DENND2D: variants seen among roughly 807,000 people sequenced by gnomAD.
DENND2D encodes DENN domain containing 2D.
DENND2D carries 37 observed loss-of-function variants against 59.8 expected under a neutral mutation model. That is an observed-to-expected ratio of 0.62 (90% CI 0.48 to 0.81). The LOEUF (loss-of-function observed/expected upper bound fraction) is 0.81, where lower values mean the gene tolerates loss of function less well. Ranked by LOEUF, DENND2D falls within the 40% of genes least tolerant of loss-of-function variation. The pLI is 0.00. For missense variants in DENND2D, 525 were observed against 579.7 expected (o/e 0.91, Z 0.97); for synonymous variants, 219 against 211.3 (o/e 1.04, Z -0.31).
intron 1 of DENND2D, 37 bp downstream of exon 1, chr1:111,200,356 A>G: frequency 6.2e-7 from 1 of 1,601,264 alleles, no homozygotes; most frequent in Non-Finnish European, 8.5e-7. Flanking sequence ...TAAGAGGGTC[A>G]CCCTAAAAAC....
chr1:111,188,110 T>C, intron 11 of DENND2D, 21 bp downstream of exon 11: 2 of 1,614,004 alleles, frequency 1.2e-6, no homozygotes, highest in Non-Finnish European at 1.7e-6. Flanking sequence ...GGGCTTAGAC[T>C]GATGGGGACT....
intron 5 of DENND2D, chr1:111,196,807 T>A: frequency 4.1e-6 from 1 of 242,164 alleles, no homozygotes; most frequent in Non-Finnish European, 8.4e-6. Context: ...AGTCTTCTCA[T>A]ATATCACCTC....
intron 3 of DENND2D, among the ~76,000 whole-genome samples, chr1:111,198,400 C>T (rs1277617620): frequency 1.3e-5 from 2 of 152,192 alleles, no homozygotes; most frequent in African/African-American, 4.8e-5. Flanking sequence ...ACTATTGCTT[C>T]TAGGACAGGT....
intron 9 of DENND2D, among the ~76,000 whole-genome samples, 166 bp from the exon 10 acceptor site, chr1:111,188,952 TAGAC>T (rs1042679041): frequency 6.6e-6 from 1 of 152,214 alleles, no homozygotes; most frequent in Non-Finnish European, 1.5e-5. Context: ...AGTTTGACTC[TAGAC>T]ATTAGCAAGG....
intron 2 of DENND2D, 138 bp from the exon 3 acceptor site, chr1:111,198,880 G>A: frequency 1.2e-5 from 10 of 804,814 alleles, no homozygotes; most frequent in East Asian, 2.7e-5. Context: ...AGGGGCGAAG[G>A]GTGCCTTTGC....
intron 8 of DENND2D, among the ~76,000 whole-genome samples, chr1:111,190,183 A>AAAAAC (rs1216139821): frequency 6.6e-6 from 1 of 150,450 alleles, no homozygotes; most frequent in Non-Finnish European, 1.5e-5. Context: ...AAAAAAAAAA[A>AAAAAC]CTACCTCACA....
chr1:111,203,995 C>T (rs1659061545), upstream of DENND2D, among the ~76,000 whole-genome samples: 1 of 152,156 alleles, frequency 6.6e-6, no homozygotes, highest in African/African-American at 2.4e-5. Flanking sequence ...GGTTGCACCA[C>T]AAGCTTCCTG....
chr1:111,193,485 A>C (rs1657958143), intron 7 of DENND2D, among the ~76,000 whole-genome samples: 1 of 152,308 alleles, frequency 6.6e-6, no homozygotes, highest in East Asian at 1.9e-4. Flanking sequence ...TCCAAAGCAA[A>C]AGATGATGCC....
chr1:111,191,172 G>A (rs1657729694), intron 8 of DENND2D, among the ~76,000 whole-genome samples: 3 of 152,176 alleles, frequency 2.0e-5, no homozygotes. Flanking sequence ...GCTAAAGCTG[G>A]TTCAAAGGGC....
At chr1:111,188,604 G>T in intron 10 of DENND2D, 98 bp downstream of exon 10, 1 of 1,279,434 alleles carries the variant, frequency 7.8e-7, no homozygotes, top group South Asian at 1.3e-5. Flanking sequence ...GGCTGGTCTA[G>T]GACTACTGAA....
In DENND2D at chr1:111,199,688, C is replaced by G; in HGVS notation, c.178G>C (p.Val60Leu). Residue 60 changes from valine (V) to leucine (L), a missense_variant, in exon 2 of 12, where the codon GTT (valine) becomes CTT (leucine). Val to Leu is a conservative substitution (Grantham distance 32, BLOSUM62 1). Around this residue, in one of 3 missense-constraint regions of DENND2D, gnomAD observed 253 missense variants for 246.4 expected, o/e 1.03. Transcript: ENST00000357640. ...TCTGAACGCTTCTTTTTGAGAGAAA[C>G]CACAAGAAGGTATTCAAAGAAGTGC... is the stretch of plus-strand genomic sequence containing the variant. The part of the protein sequence containing the change: ...GQHFFEYLLV[V>L]SLKKKRSEDD... The G allele has an allele frequency of 6.2e-7, 1 of 1,614,054 alleles. No individual in the cohort carries two copies. The highest frequency in any genetic ancestry group is 8.5e-7 in the Non-Finnish European group (1 of 1,180,004).
In DENND2D at chr1:111,197,481, G is replaced by T. The variant is rs971229461; in HGVS notation, c.427-228C>A. 15 of 1,406,748 alleles carry T rather than the reference G, an allele frequency of 1.1e-5. No homozygotes were observed. In the Admixed American group the frequency reaches 1.5e-4, roughly 14 times the overall value. The allele number at this position is 1,406,748 out of a possible 1,614,324, so 87.1% of individuals were successfully genotyped here. A position where few individuals can be genotyped will look rare whatever the true frequency, so the allele number is the denominator to read the frequency against. On this transcript the variant is annotated intron_variant, in intron 4 of 11. Coordinates refer to ENST00000357640, the MANE Select transcript of DENND2D (RefSeq NM_024901.5). ...ACCTTCAGTGCCAGCACAATCTGGG[G>T]TCAGCAAAGAGGGGTAGCAAGTGTG... is the stretch of plus-strand genomic sequence containing the variant.
At chr1:111,200,810 G>A (rs892053727), upstream of DENND2D, 7 of 865,492 alleles carry the variant, frequency 8.1e-6, no homozygotes, top group Non-Finnish European at 1.1e-5. Flanking sequence ...GGCTACTTAT[G>A]GGCTAAGGGT....
At chr1:111,200,231 G>T in intron 1 of DENND2D, 162 bp downstream of exon 1, 1 of 919,750 alleles carries the variant, frequency 1.1e-6, no homozygotes, top group Non-Finnish European at 1.7e-6. Flanking sequence ...GGCATGACCA[G>T]CTCTTAAAAA....
In DENND2D at chr1:111,194,644, T is replaced by G; in HGVS notation, c.728A>C (p.Gln243Pro). The G allele has an allele frequency of 6.2e-7, 1 of 1,613,962 alleles. No homozygotes were observed. ...GGCAGAGGCAAAGATCTGAAGTATC[T>G]GTTCAAAACTGAGACAGTGCAATAG... ...SSLLHCLSFE[Q>P]ILQIFASAVL... is the part of the protein sequence containing the mutation. The change falls in exon 7 of 12, where the codon CAG becomes CCG. Residue 243 changes from glutamine to proline, a missense_variant. By Grantham distance (76) the Gln-to-Pro change is moderately conservative. Coordinates refer to ENST00000357640, the MANE Select transcript of DENND2D (RefSeq NM_024901.5).
In DENND2D at chr1:111,188,309, C is replaced by A. The variant is rs1657410973; in HGVS notation, c.1161G>T (p.Val387=). ...GCTTGATATAGGAAGCATAATGGCCCACAATCTTGACAAAGAACTGCACAA... is the reference window on the plus strand; with the variant it reads ...GCTTGATATAGGAAGCATAATGGCCAACAATCTTGACAAAGAACTGCACAA... ...GPFVQFFVKI[V]GHYASYIKRE... The change falls in exon 11 of 12, where the codon GTG becomes GTT. Residue 387 remains valine (V), a synonymous_variant. Transcript: ENST00000357640. The A allele has an allele frequency of 1.2e-6, 2 of 1,613,984 alleles. No homozygotes were observed. The highest frequency in any genetic ancestry group is 1.7e-6 in the Non-Finnish European group (2 of 1,180,038).
In DENND2D at chr1:111,188,383, T is replaced by A; in HGVS notation, c.1100-13A>T. ...ATTTGTTCTGCAGCTGCAGGAGATA[T>A]AAAGGCCATCTCAGAGGGTAGCAGA... On this transcript the variant is annotated splice_polypyrimidine_tract_variant and intron_variant, in intron 10 of 11. Transcript: ENST00000357640. The A allele has an allele frequency of 1.2e-6, 2 of 1,611,750 alleles. No homozygotes were observed. The highest frequency in any genetic ancestry group is 1.1e-5 in the South Asian group (1 of 90,956).
intron 7 of DENND2D, 84 bp downstream of exon 7, chr1:111,194,494 T>A: frequency 6.6e-7 from 1 of 1,521,170 alleles, no homozygotes; most frequent in Admixed American, 1.9e-5. Flanking sequence ...CTACAGCCCA[T>A]TTTCCTTGGA....
In DENND2D at chr1:111,188,332, C is replaced by G; in HGVS notation, c.1138G>C (p.Val380Leu). 6.2e-7 allele frequency: 1 copy of G among 1,614,034 alleles called. No homozygotes were observed. The highest frequency in any genetic ancestry group is 8.5e-7 in the Non-Finnish European group (1 of 1,180,012). ...QINEHVSGPF[V>L]QFFVKIVGHY... Reference sequence around the variant, plus strand: ...CCCACAATCTTGACAAAGAACTGCACAAAGGGGCCTGAAACATGCTCGTTG... The same window carrying G: ...CCCACAATCTTGACAAAGAACTGCAGAAAGGGGCCTGAAACATGCTCGTTG... Residue 380 changes from valine (V) to leucine (L), a missense_variant, in exon 11 of 12, where the codon GTG becomes CTG. This residue lies in a region of DENND2D where 225 missense variants were observed against 252.4 expected (regional missense o/e 0.89). Transcript: ENST00000357640.
Sources: gnomAD v4.1 joint callset for allele counts (sites outside exome capture counted in the v4.1 genomes callset) on GRCh38, gnomAD v4.1.1 for gene constraint, gnomAD v4.1.1 regional missense constraint, MANE v1.5 for transcripts, NCBI Gene and HGNC (gene_info 2026-07-23, HGNC 2026-07-21) for gene names.